Variants in MTFMT observed in about 807,000 individuals in gnomAD.
MTFMT encodes methionyl-tRNA formyltransferase, mitochondrial.
In MTFMT, 47 loss-of-function variants were observed where a neutral mutation model predicts 51.8. The observed-to-expected ratio is 0.91, with a 90% CI of 0.72 to 1.16. The LOEUF is 1.16. MTFMT is among the 50% of genes most tolerant of loss of function. MTFMT has a pLI of 0.00. For missense variants in MTFMT, 512 were observed against 482.3 expected (o/e 1.06, Z -0.58); for synonymous variants, 196 against 176.7 (o/e 1.11, Z -0.87).
intron 1 of MTFMT, among the ~76,000 whole-genome samples, 162 bp from the exon 2 acceptor site, chr15:65,027,202 C>G (rs912358941): frequency 2.8e-5 from 4 of 144,002 alleles, no homozygotes; most frequent in African/African-American, 1.0e-4. Context: ...TTTTCTTTTT[C>G]TTTTTTTTTT....
intron 6 of MTFMT, among the ~76,000 whole-genome samples, chr15:65,015,400 C>A (rs893702093): frequency 6.6e-6 from 1 of 152,184 alleles, no homozygotes; most frequent in African/African-American, 2.4e-5. Context: ...CTTTAAGCCT[C>A]AATTTCTTCA....
At chr15:65,029,325 C>G in intron 1 of MTFMT, 80 bp downstream of exon 1, 2 of 1,340,688 alleles carry the variant, frequency 1.5e-6, no homozygotes, top group Non-Finnish European at 9.5e-7. Flanking sequence ...AACCAGAAGT[C>G]CAAAACCCTC....
At chr15:65,027,840 T>A (rs1353126625) in intron 1 of MTFMT, among the ~76,000 whole-genome samples, 1 of 152,228 alleles carries the variant, frequency 6.6e-6, no homozygotes, top group Non-Finnish European at 1.5e-5. Flanking sequence ...AACTTTTCAC[T>A]GTATATCCTT....
intron 6 of MTFMT, among the ~76,000 whole-genome samples, chr15:65,012,292 G>A (rs2086275451): frequency 6.6e-6 from 1 of 151,098 alleles, no homozygotes; most frequent in African/African-American, 2.4e-5. Context: ...ATGTACCCTA[G>A]AACTTAAAGT....
chr15:65,024,268 T>G (rs935120623), intron 2 of MTFMT, among the ~76,000 whole-genome samples: 1 of 152,136 alleles, frequency 6.6e-6, no homozygotes, highest in Admixed American at 6.5e-5. Flanking sequence ...AGAGGTGCAG[T>G]GAACCGAGAT....
At chr15:65,023,128 G>C (rs2086389471) in intron 3 of MTFMT, among the ~76,000 whole-genome samples, 1 of 152,230 alleles carries the variant, frequency 6.6e-6, no homozygotes, top group Admixed American at 6.5e-5. Flanking sequence ...GGGGAAATTA[G>C]GTGGTAACAG....
At chr15:65,014,481 G>C (rs1166952733) in intron 6 of MTFMT, among the ~76,000 whole-genome samples, 1 of 151,786 alleles carries the variant, frequency 6.6e-6, no homozygotes, top group Non-Finnish European at 1.5e-5. Context: ...GCGCCACTAG[G>C]TCTGGCTAAT....
chr15:65,027,626 A>G (rs999953210), intron 1 of MTFMT, among the ~76,000 whole-genome samples: 1 of 152,252 alleles, frequency 6.6e-6, no homozygotes, highest in South Asian at 2.1e-4. Flanking sequence ...CAGTATGGAT[A>G]CTTTACACAA....
At chr15:65,012,412 T>G (rs2086277685) in intron 6 of MTFMT, among the ~76,000 whole-genome samples, 1 of 151,892 alleles carries the variant, frequency 6.6e-6, no homozygotes, top group Non-Finnish European at 1.5e-5. Context: ...TTAAAAAAAT[T>G]TGAGACAGAG....
At chr15:65,025,252 A>AG (rs35088259) in intron 2 of MTFMT, among the ~76,000 whole-genome samples, 9 of 147,702 alleles carry the variant, frequency 6.1e-5, no homozygotes, top group Non-Finnish European at 1.2e-4. Context: ...AAAAAAAAAA[A>AG]GAGTTAGCTG....
intron 6 of MTFMT, among the ~76,000 whole-genome samples, chr15:65,012,129 CAAAAAAAAAAAAA>C (rs58093427): frequency 3.1e-4 from 18 of 58,710 alleles, no homozygotes; most frequent in Non-Finnish European, 3.1e-4. Flanking sequence ...GCACTCTTGT[CAAAAAAAAAAAAA>C]AAAAAAAAAA....
Position 65,003,269 on chromosome 15 carries a change from A to T in MTFMT, c.976-13T>A. Reference sequence around the variant, plus strand: ...CAATCCAACCATCCTAAAGGGCAAAATACAAATAGTGAATAGGCAGGGGTG... The same window carrying T: ...CAATCCAACCATCCTAAAGGGCAAATTACAAATAGTGAATAGGCAGGGGTG... On this transcript the variant is annotated splice_polypyrimidine_tract_variant and intron_variant, in intron 8 of 8. Coordinates refer to ENST00000220058, the MANE Select transcript of MTFMT (RefSeq NM_139242.4). 6.2e-7 allele frequency: 1 copy of T among 1,607,174 alleles called. No homozygotes were observed. The highest frequency in any genetic ancestry group is 2.2e-5 in the East Asian group (1 of 44,812).
At chr15:65,020,084 G>C (rs2140484603) in intron 5 of MTFMT, 113 bp downstream of exon 5, 1 of 892,616 alleles carries the variant, frequency 1.1e-6, no homozygotes, top group African/African-American at 1.7e-5. Flanking sequence ...ACACAAAAGT[G>C]GGCACTCAAT....
intron 8 of MTFMT, 28 bp from the exon 9 acceptor site, chr15:65,003,284 A>C: frequency 6.4e-7 from 1 of 1,574,208 alleles, no homozygotes; most frequent in Non-Finnish European, 8.7e-7. Flanking sequence ...AATAGTGAAT[A>C]GGCAGGGGTG....
At chr15:65,015,567 T>C (rs2086313117) in intron 6 of MTFMT, among the ~76,000 whole-genome samples, 1 of 152,166 alleles carries the variant, frequency 6.6e-6, no homozygotes, top group Non-Finnish European at 1.5e-5. Flanking sequence ...CCAGGCACAG[T>C]GGCTCGTGCC....
rs1049256283 is a variant in MTFMT at position 65,023,664 on chromosome 15, T to C, written c.542+8A>G. 6.2e-6 allele frequency: 10 copies of C among 1,612,438 alleles called. No homozygotes were observed. The African/African-American group carries it at 1.2e-4, about 19-fold the overall frequency. ...ACAAAAATCTCAAGAAAGGAAAATA[T>C]GTGCTACCTTTTAGGTCTAATTTGC... On this transcript the variant is annotated splice_region_variant and intron_variant, in intron 3 of 8. Transcript: ENST00000220058.
chr15:65,020,083 TG>T, intron 5 of MTFMT, 113 bp downstream of exon 5: 1 of 889,052 alleles, frequency 1.1e-6, no homozygotes, highest in Non-Finnish European at 1.7e-6. Flanking sequence ...CACACAAAAG[TG>T]GGCACTCAAT....
chr15:65,009,091 A>G (rs1208224524), intron 6 of MTFMT, among the ~76,000 whole-genome samples: 1 of 152,192 alleles, frequency 6.6e-6, no homozygotes, highest in Non-Finnish European at 1.5e-5. Flanking sequence ...CATGGTCATT[A>G]ATCCCACTTT....
At chr15:65,029,340 C>T in intron 1 of MTFMT, 65 bp downstream of exon 1, 1 of 1,348,102 alleles carries the variant, frequency 7.4e-7, no homozygotes. Context: ...ACCCTCGGGG[C>T]CGGCCGCCCG....
Sources: gnomAD v4.1 joint callset for allele counts (sites outside exome capture counted in the v4.1 genomes callset) on GRCh38, gnomAD v4.1.1 for gene constraint, MANE v1.5 for transcripts, NCBI Gene and HGNC (gene_info 2026-07-23, HGNC 2026-07-21) for gene names.